The following HSPG2 variants were observed in gnomAD, a reference collection of about 807,000 sequenced individuals.
The protein encoded by HSPG2 is basement membrane-specific heparan sulfate proteoglycan core protein.
HSPG2 carries 278 observed loss-of-function variants against 526.6 expected under a neutral mutation model. The ratio of observed to expected loss-of-function variants is 0.53; its 90% CI spans 0.48 to 0.58. The LOEUF is 0.58. Ranked by LOEUF, HSPG2 falls within the 20% of genes least tolerant of loss-of-function variation. The pLI is 0.00. For synonymous variants in HSPG2, 2,465 were observed against 2,555.4 expected (o/e 0.96, Z 1.07); for missense variants, 5,354 against 6,099.5 (o/e 0.88, Z 4.07).
Position 21,859,638 on chromosome 1 carries a change from C to T in HSPG2, c.5221G>A (p.Ala1741Thr), listed in dbSNP as rs772117842. The stretch of plus-strand genomic sequence containing the variant: ...CGGCAGGTGCAAATGTAGACCCCAG[C>T]ATCCGAGGGCTGGACGCTGGGGAAG... ...LHFPSVQPSD[A>T]GVYICTCRNL... Residue 1741 changes from alanine to threonine, a missense_variant, in exon 42 of 97, where the codon GCT (alanine) becomes ACT (threonine). Coordinates refer to ENST00000374695, the MANE Select transcript of HSPG2 (RefSeq NM_005529.7). This position sits in a 1 kb window ranked among gnomAD's most constrained non-coding sequence, Gnocchi z 5.3. 5 of 1,607,896 alleles carry T rather than the reference C, an allele frequency of 3.1e-6. No homozygotes were observed. The South Asian group carries it at 5.6e-5, about 18-fold the overall frequency.
At chr1:21,897,811 G>A (rs1467391587) in intron 1 of HSPG2, among the ~76,000 whole-genome samples, 2 of 152,130 alleles carry the variant, frequency 1.3e-5, no homozygotes, top group Non-Finnish European at 2.9e-5. Context: ...GGTTCCCTGG[G>A]CATACATATC....
intron 91 of HSPG2, among the ~76,000 whole-genome samples, chr1:21,827,507 T>G (rs779666529): frequency 9.9e-5 from 15 of 152,252 alleles, no homozygotes; most frequent in Admixed American, 2.0e-4. Context: ...CACTCTTCAC[T>G]GTTTCCTTAG....
chr1:21,865,578 G>A lies in HSPG2; in HGVS notation c.4314+139C>T. The A allele has an allele frequency of 3.4e-6, 3 of 887,090 alleles. No individual in the cohort carries two copies. The highest frequency in any genetic ancestry group is 3.8e-6 in the Non-Finnish European group (2 of 530,648). The allele number at this position is 887,090 out of a possible 1,614,324, so 55.0% of individuals were successfully genotyped here. ...GGGTAGTGTCCAACCAGGCAGGGAT[G>A]TGGGGGCATGGGCCTAACTCCCCCA... is the stretch of plus-strand genomic sequence containing the variant. On this transcript the variant is annotated intron_variant, in intron 34 of 96. Transcript: ENST00000374695. This position sits in a 1 kb window ranked among gnomAD's most constrained non-coding sequence, Gnocchi z 5.4.
chr1:21,935,745 C>A (rs1243619292), intron 1 of HSPG2, among the ~76,000 whole-genome samples: 3 of 152,220 alleles, frequency 2.0e-5, no homozygotes, highest in Non-Finnish European at 2.9e-5. Flanking sequence ...AAACATCCCA[C>A]GTGCTAGGTT....
rs1291687013 is a variant in HSPG2 at position 21,822,651 on chromosome 1, C to G, written c.*665G>C. On this transcript the variant is annotated 3_prime_UTR_variant, in exon 97 of 97. Coordinates refer to ENST00000374695, the MANE Select transcript of HSPG2 (RefSeq NM_005529.7). ...AGTTGGGGTGGGCCTTCCCTTACAG[C>G]CCCTGAGGGAGGGACCCCAGGCTGT... 5.4e-6 allele frequency: 1 copy of G among 185,994 alleles called. No individual in the cohort carries two copies. Among genetic ancestry groups the G allele is most frequent in the East Asian group, 1.4e-4 (1 of 6,936 alleles). The allele number at this position is 185,994 out of a possible 1,614,324, so 11.5% of individuals were successfully genotyped here.
At chr1:21,853,781 T>G (rs1375067108) in intron 50 of HSPG2, 1 of 195,372 alleles carries the variant, frequency 5.1e-6, no homozygotes, top group South Asian at 7.9e-5. Context: ...TAAAATAAAA[T>G]AAAATAAAAT....
In HSPG2 at chr1:21,864,494, T is replaced by C. The variant is rs1174184367; in HGVS notation, c.4627-281A>G. Among the ~76,000 whole-genome samples the C allele has an allele frequency of 6.6e-6, 1 of 152,202 alleles. No homozygotes were observed. The highest frequency in any genetic ancestry group is 1.5e-5 in the Non-Finnish European group (1 of 68,032). ...TCTCTGGTGGGCCCCCTCAAGGGCA[T>C]GAACTGGGTTTTAACCCCCGGAGAG... On this transcript the variant is annotated intron_variant, in intron 36 of 96. Transcript: ENST00000374695. This position sits in a 1 kb window ranked among gnomAD's most constrained non-coding sequence, Gnocchi z 4.8.
Position 21,937,296 on chromosome 1 carries a change from C to A in HSPG2, c.-79G>T, listed in dbSNP as rs1436148204. The A allele has an allele frequency of 4.5e-6, 2 of 447,042 alleles. No homozygotes were observed. Among genetic ancestry groups the A allele is most frequent in the Non-Finnish European group, 5.8e-6 (2 of 342,440 alleles). 27.7% of individuals were successfully genotyped at this position (447,042 alleles called of 1,614,324 possible). A position where few individuals can be genotyped will look rare whatever the true frequency, so the allele number is the denominator to read the frequency against. On this transcript the variant is annotated 5_prime_UTR_variant, in exon 1 of 97. Coordinates refer to ENST00000374695, the MANE Select transcript of HSPG2 (RefSeq NM_005529.7). The stretch of plus-strand genomic sequence containing the variant: ...CCGCCCGCAGCCGCCCGCTCGCCGG[C>A]CAGCTCGGGACAGCGCGGCCCTCTC...
chr1:21,825,314 G>C (rs61777194), intron 91 of HSPG2: 10,653 of 173,828 alleles, frequency 0.061, 430 homozygotes, highest in Non-Finnish European at 0.085. Flanking sequence ...AACAGGATCC[G>C]TGTCGGGTGA....
rs775309468 is a variant in HSPG2 at position 21,864,930 on chromosome 1, G to A, written c.4539C>T (p.Val1513=). 2.5e-6 allele frequency: 4 copies of A among 1,607,374 alleles called. No homozygotes were observed. Among genetic ancestry groups the A allele is most frequent in the South Asian group, 2.2e-5 (2 of 90,224 alleles). ...GTCTGTTTGAGGGCCCCGGCTGGGC[G>A]ACCTCCAGGCTGACTGCGCTGATGC... The part of the protein sequence containing the change: ...AASISAVSLE[V]AQPGPSNRPR... The change falls in exon 36 of 97, where the codon GTC becomes GTT. Residue 1513 remains valine (V), a synonymous_variant. Transcript: ENST00000374695. The surrounding 1 kb of genome is among the most constrained non-coding windows in gnomAD (Gnocchi z 4.8).
chr1:21,825,456 G>T (rs1360132298), intron 91 of HSPG2, among the ~76,000 whole-genome samples: 1 of 152,142 alleles, frequency 6.6e-6, no homozygotes. Flanking sequence ...TCAGAGCCTT[G>T]GTGTTCTCTC....
intron 33 of HSPG2, chr1:21,870,750 A>T: frequency 1.2e-6 from 1 of 803,070 alleles, no homozygotes; most frequent in South Asian, 5.7e-5. Context: ...GGCACTGCGC[A>T]TCTCCCCACG....
chr1:21,875,950 C>A lies in HSPG2; in HGVS notation c.3096G>T (p.Leu1032=), dbSNP rs757279482. ...GCTCTAGGATGATGTTGTTACCTTG[C>A]AGCACCACCAACGGCTGCCCGTGCA... ...TPLHGQPLVV[L]QGNNIILEHH... The change falls in exon 24 of 97, where the codon CTG becomes CTT. Residue 1032 remains leucine (L), a synonymous_variant. Coordinates refer to ENST00000374695, the MANE Select transcript of HSPG2 (RefSeq NM_005529.7). The A allele has an allele frequency of 1.2e-6, 2 of 1,614,226 alleles. No homozygotes were observed. Among genetic ancestry groups the A allele is most frequent in the African/African-American group, 1.3e-5 (1 of 75,068 alleles).
chr1:21,904,053 A>G lies in HSPG2; in HGVS notation c.64-7743T>C, dbSNP rs1480486014. Among the ~76,000 whole-genome samples the G allele has an allele frequency of 2.6e-5, 4 of 152,196 alleles. No homozygotes were observed. The East Asian group carries it at 7.7e-4, about 29-fold the overall frequency. On this transcript the variant is annotated intron_variant, in intron 1 of 96. Coordinates refer to ENST00000374695, the MANE Select transcript of HSPG2 (RefSeq NM_005529.7). This position sits in a 1 kb window ranked among gnomAD's most constrained non-coding sequence, Gnocchi z 4.4. ...AACCTCGACTTACGGGGTACCTACT[A>G]TGTGCTGGGCCCGGGGGACAAAATG...
At position 21,873,829 on chromosome 1, in the gene HSPG2, C is replaced by T. The variant is rs542191870; in HGVS notation, c.3743+96G>A. On this transcript the variant is annotated intron_variant, in intron 29 of 96. Transcript: ENST00000374695. The stretch of plus-strand genomic sequence containing the variant: ...TGCGAGGTTAAGAGCGAGAGGCATC[C>T]CTGATTCCTCTGGGTTGGGAGCGCT... 10 of 1,057,114 alleles carry T rather than the reference C, an allele frequency of 9.5e-6. No individual in the cohort carries two copies. In the Admixed American group the frequency reaches 1.4e-4, roughly 15 times the overall value. 65.5% of individuals were successfully genotyped at this position (1,057,114 alleles called of 1,614,324 possible).
rs775040715 is a variant in HSPG2, at chr1:21,840,030, A to G, written c.9514-13T>C. 5 of 1,613,918 alleles carry G rather than the reference A, an allele frequency of 3.1e-6. No individual in the cohort carries two copies. In the South Asian group the frequency reaches 5.5e-5, roughly 18 times the overall value. On this transcript the variant is annotated splice_polypyrimidine_tract_variant and intron_variant, in intron 71 of 96. Transcript: ENST00000374695. ...TAGCTGATGAAATCTGGGAGAAAGC[A>G]AGGAGGCTGGTTATGTGGGGACTCA...
intron 29 of HSPG2, among the ~76,000 whole-genome samples, chr1:21,873,653 G>A (rs1370593740): frequency 6.6e-6 from 1 of 152,262 alleles, no homozygotes; most frequent in Non-Finnish European, 1.5e-5. Context: ...GAAAGAAGCA[G>A]GGGTTTTGTG....
chr1:21,923,321 C>T (rs945573800), intron 1 of HSPG2, among the ~76,000 whole-genome samples: 1 of 152,034 alleles, frequency 6.6e-6, no homozygotes, highest in Non-Finnish European at 1.5e-5. Flanking sequence ...GCAGGAGAAT[C>T]GCTTGAACCA....
At chr1:21,906,737 G>T (rs975178465) in intron 1 of HSPG2, among the ~76,000 whole-genome samples, 23 of 148,668 alleles carry the variant, frequency 1.5e-4, no homozygotes, top group African/African-American at 5.7e-4. Context: ...GGGGTGGGGG[G>T]GGGTCACGTG....
Sources: gnomAD v4.1 joint callset for allele counts (sites outside exome capture counted in the v4.1 genomes callset) on GRCh38, gnomAD v4.1.1 for gene constraint, Gnocchi (gnomAD v3.1) non-coding constraint, MANE v1.5 for transcripts, NCBI Gene and HGNC (gene_info 2026-07-23, HGNC 2026-07-21) for gene names.